Variants in ZNF385D observed in about 807,000 individuals in gnomAD.
ZNF385D encodes the protein zinc finger protein 659.
In ZNF385D, 15 loss-of-function variants were observed where a neutral mutation model predicts 35.8. The observed-to-expected ratio is 0.42, with a 90% confidence interval of 0.28 to 0.64. The LOEUF (loss-of-function observed/expected upper bound fraction) is 0.64. ZNF385D is among the 30% of genes least tolerant of loss of function. The pLI, the probability that ZNF385D is intolerant of heterozygous loss-of-function variation, is 0.23. For synonymous variants in ZNF385D, 212 were observed against 186.8 expected, an observed-to-expected ratio of 1.13 and a Z score of -1.10; for missense variants, 474 against 494.6, an observed-to-expected ratio of 0.96 and a Z score of 0.39.
intron 3 of ZNF385D, among the ~76,000 whole-genome samples, chr3:21,927,918 G>C (rs1479467913): frequency 6.6e-6 from 1 of 152,092 alleles, no homozygotes; most frequent in Non-Finnish European, 1.5e-5. Context: ...AATCAGTAAG[G>C]AGATAGAATA....
intron 2 of ZNF385D, among the ~76,000 whole-genome samples, chr3:21,599,829 C>T (rs562092833): frequency 6.6e-6 from 1 of 152,292 alleles, no homozygotes; most frequent in South Asian, 2.1e-4. Flanking sequence ...GCATGTGAAC[C>T]AGAGCAAGTC....
At chr3:22,213,869 T>C (rs1006879384) in intron 2 of ZNF385D, among the ~76,000 whole-genome samples, 1 of 152,066 alleles carries the variant, frequency 6.6e-6, no homozygotes, top group Non-Finnish European at 1.5e-5. Context: ...GACATGTGTA[T>C]TCTCTCCTTC....
chr3:21,896,389 CAAAAT>C (rs1472861398), intron 3 of ZNF385D, among the ~76,000 whole-genome samples: 12 of 152,120 alleles, frequency 7.9e-5, no homozygotes, highest in South Asian at 4.1e-4. Context: ...ATGAAAAAAA[CAAAAT>C]AAAACAAAAA....
At chr3:22,221,201 A>C (rs1313821268) in intron 2 of ZNF385D, among the ~76,000 whole-genome samples, 2 of 152,142 alleles carry the variant, frequency 1.3e-5, no homozygotes, top group East Asian at 3.9e-4. Context: ...ACACAGATAC[A>C]TGTATACATA....
At chr3:21,484,504 C>T (rs559247581) in intron 4 of ZNF385D, among the ~76,000 whole-genome samples, 4 of 152,240 alleles carry the variant, frequency 2.6e-5, no homozygotes, top group Admixed American at 6.5e-5. Context: ...CTCTCCAGTG[C>T]CCCCTGCTGA....
chr3:21,428,634 C>T (rs80270134), intron 5 of ZNF385D, among the ~76,000 whole-genome samples: 10 of 152,036 alleles, frequency 6.6e-5, no homozygotes, highest in East Asian at 3.9e-4. Flanking sequence ...TGACACTTTG[C>T]GAAGATATGG....
chr3:22,100,843 A>AC lies in ZNF385D; in HGVS notation c.325+67973_325+67974insG, dbSNP rs1401387282. Among the ~76,000 whole-genome samples, 107 of 151,934 alleles carry AC rather than the reference A, an allele frequency of 7.0e-4. No individual in the cohort carries two copies. In the Middle Eastern group the frequency reaches 0.024, roughly 34 times the overall value. On this transcript the variant is annotated intron_variant, in intron 3 of 5. Transcript: ENST00000494108. ...AAACTTAAAGTATAATAATATTAAA[A>AC]TAAAAAAAAGAAAATCACATAAAAA...
At chr3:21,963,848 T>C (rs1369773560) in intron 3 of ZNF385D, among the ~76,000 whole-genome samples, 1 of 152,110 alleles carries the variant, frequency 6.6e-6, no homozygotes, top group African/African-American at 2.4e-5. Context: ...GCCCTGGTGA[T>C]GACACTGATC....
intron 3 of ZNF385D, among the ~76,000 whole-genome samples, chr3:21,772,059 A>C (rs2071098723): frequency 6.6e-6 from 1 of 151,950 alleles, no homozygotes. Flanking sequence ...GTTATCTAAA[A>C]CCATGTAAAA....
chr3:21,769,223 G>A (rs1234453637), intron 3 of ZNF385D, among the ~76,000 whole-genome samples: 1 of 151,928 alleles, frequency 6.6e-6, no homozygotes, highest in Non-Finnish European at 1.5e-5. Context: ...GGTGTTGGAA[G>A]TTCTGGCCAG....
At chr3:21,556,966 CTCTG>C (rs1218417143) in intron 3 of ZNF385D, among the ~76,000 whole-genome samples, 1 of 151,896 alleles carries the variant, frequency 6.6e-6, no homozygotes. Flanking sequence ...TGATTTGGCC[CTCTG>C]TCTGTTATTG....
intron 3 of ZNF385D, among the ~76,000 whole-genome samples, chr3:21,979,258 A>G (rs1043258430): frequency 1.3e-5 from 2 of 152,080 alleles, no homozygotes; most frequent in East Asian, 1.9e-4. Flanking sequence ...CAGAAGGGGG[A>G]AAAAAACCCA....
intron 4 of ZNF385D, among the ~76,000 whole-genome samples, chr3:21,496,022 C>A (rs1381979788): frequency 2.0e-5 from 3 of 151,808 alleles, no homozygotes; most frequent in South Asian, 2.1e-4. Flanking sequence ...CCTGAAAAAA[C>A]CAATAACAAG....
intron 2 of ZNF385D, among the ~76,000 whole-genome samples, chr3:21,664,012 C>T (rs534989892): frequency 6.8e-6 from 1 of 147,838 alleles, no homozygotes; most frequent in African/African-American, 2.5e-5. Context: ...TCATGTTAAT[C>T]CTTTCTGCTT....
At chr3:22,267,106 G>A (rs1055069358) in intron 2 of ZNF385D, among the ~76,000 whole-genome samples, 3 of 151,854 alleles carry the variant, frequency 2.0e-5, no homozygotes, top group Non-Finnish European at 2.9e-5. Flanking sequence ...AATTGCTTAC[G>A]TCATGAACTA....
Position 22,329,533 on chromosome 3 carries a change from T to C in ZNF385D, c.106+42917A>G, listed in dbSNP as rs562762018. On this transcript the variant is annotated intron_variant, in intron 2 of 5. Coordinates refer to the ZNF385D transcript ENST00000494108. ...TTATCTTAAAAATTATGTAACATTTTGATGCTACATATACCTAATCCCATC... is the reference window on the plus strand; with the variant it reads ...TTATCTTAAAAATTATGTAACATTTCGATGCTACATATACCTAATCCCATC... Among the ~76,000 whole-genome samples the C allele has an allele frequency of 5.7e-4, 87 of 152,328 alleles. 1 individual carries two copies. The highest frequency in any genetic ancestry group is 2.0e-3 in the African/African-American group (84 of 41,574).
At chr3:22,002,740 C>A (rs1168839507) in intron 3 of ZNF385D, among the ~76,000 whole-genome samples, 1 of 152,072 alleles carries the variant, frequency 6.6e-6, no homozygotes, top group African/African-American at 2.4e-5. Flanking sequence ...GATAATACAC[C>A]AGGATCAAGT....
intron 1 of ZNF385D, among the ~76,000 whole-genome samples, chr3:21,696,724 A>G (rs1416135068): frequency 6.6e-6 from 1 of 152,238 alleles, no homozygotes; most frequent in African/African-American, 2.4e-5. Flanking sequence ...ATCCCACAAA[A>G]TAATGAAACT....
At chr3:22,321,770 T>C (rs991422253) in intron 2 of ZNF385D, among the ~76,000 whole-genome samples, 2 of 152,160 alleles carry the variant, frequency 1.3e-5, no homozygotes, top group African/African-American at 2.4e-5. Flanking sequence ...TTTCTTATGA[T>C]TGCTGGTGTG....
Sources: gnomAD v4.1 joint callset for allele counts (sites outside exome capture counted in the v4.1 genomes callset) on GRCh38, gnomAD v4.1.1 for gene constraint, MANE v1.5 for transcripts, NCBI Gene and HGNC (gene_info 2026-07-23, HGNC 2026-07-21) for gene names.